The following FADS6 variants were observed in gnomAD, a reference collection of about 807,000 sequenced individuals.
FADS6 encodes fatty acid desaturase domain family, member 6.
In FADS6, 28 loss-of-function variants were observed where a neutral mutation model predicts 31.7. The observed-to-expected ratio is 0.88, with a 90% CI of 0.66 to 1.21. FADS6 has a LOEUF of 1.21. FADS6 is among the 50% of genes most tolerant of loss of function. FADS6 has a pLI of 0.00. For synonymous variants in FADS6, 191 were observed against 213.1 expected, an observed-to-expected ratio of 0.90 and a Z score of 0.90; for missense variants, 494 against 504.2, an observed-to-expected ratio of 0.98 and a Z score of 0.19.
rs1210038030 is a variant in FADS6, at chr17:74,893,341, G to A, written c.244+11C>T. On this transcript the variant is annotated intron_variant, in intron 1 of 5. Transcript: ENST00000612771. ...AGCCCGGCCGGGACGCCGGGTCCCC[G>A]CGTTCCTCACCTGCCGGCAAGGCGA... The A allele has an allele frequency of 8.6e-6, 13 of 1,510,462 alleles. 1 individual carries two copies. The South Asian group carries it at 1.2e-4, about 14-fold the overall frequency. 93.6% of individuals were successfully genotyped at this position (1,510,462 alleles called of 1,614,324 possible).
intron 2 of FADS6, among the ~76,000 whole-genome samples, chr17:74,888,158 G>GCT (rs1388141999): frequency 2.8e-5 from 2 of 70,586 alleles, no homozygotes; most frequent in Admixed American, 2.5e-4. Flanking sequence ...ACACACACGC[G>GCT]CGCGCGCGCG....
Position 74,893,358 on chromosome 17 carries a change from G to A in FADS6, c.238C>T (p.Pro80Ser). Residue 80 changes from proline (P) to serine (S), a missense_variant, in exon 1 of 6, where the codon CCG becomes TCG. Coordinates refer to ENST00000612771, the MANE Select transcript of FADS6 (RefSeq NM_178128.6). ...GGGTCCCCGCGTTCCTCACCTGCCG[G>A]CAAGGCGAAGAGGCTGAGCGCGAGG... ...AILALSLFAL[P>S]AGFLCLRWEN... 17 of 1,518,644 alleles carry A rather than the reference G, an allele frequency of 1.1e-5. No homozygotes were observed. The highest frequency in any genetic ancestry group is 2.1e-4 in the Middle Eastern group (1 of 4,770). 94.1% of individuals were successfully genotyped at this position (1,518,644 alleles called of 1,614,324 possible). A position where few individuals can be genotyped will look rare whatever the true frequency, so the allele number is the denominator to read the frequency against.
At chr17:74,884,058 A>C (rs2038599915) in intron 2 of FADS6, among the ~76,000 whole-genome samples, 1 of 152,114 alleles carries the variant, frequency 6.6e-6, no homozygotes, top group South Asian at 2.1e-4. Context: ...TGGGGTTCCC[A>C]GGGCCTTGTC....
chr17:74,888,660 C>A (rs2038657068), intron 2 of FADS6, among the ~76,000 whole-genome samples: 1 of 152,172 alleles, frequency 6.6e-6, no homozygotes, highest in South Asian at 2.1e-4. Context: ...TCCAAGCCTG[C>A]AGCACAAAGC....
Position 74,882,230 on chromosome 17 carries a change from G to A in FADS6, c.592+300C>T, listed in dbSNP as rs189697293. 4.2e-3 allele frequency among the ~76,000 whole-genome samples: 638 copies of A among 152,210 alleles called. 3 individuals carry two copies. Among genetic ancestry groups the A allele is most frequent in the Middle Eastern group, 6.8e-3 (2 of 294 alleles). ...GGATTACAGGTGTCAGCCACCACAC[G>A]CAGACCCTGCAAAACATTTTTATAC... On this transcript the variant is annotated intron_variant, in intron 3 of 5. Coordinates refer to ENST00000612771, the MANE Select transcript of FADS6 (RefSeq NM_178128.6).
rs764130670 is a variant in FADS6, at chr17:74,888,061, C to T, written c.411+4462G>A. On this transcript the variant is annotated intron_variant, in intron 2 of 5. Transcript: ENST00000612771. ...ACTCTGAGTCCCTGGGGAAGTGGAA[C>T]GGGGTCTTATTCACAGTTATGTCCC... Among the ~76,000 whole-genome samples the T allele has an allele frequency of 1.6e-4, 24 of 151,286 alleles. 1 individual carries two copies. The highest frequency in any genetic ancestry group is 3.9e-4 in the East Asian group (2 of 5,144).
chr17:74,878,196 G>C lies in FADS6; in HGVS notation c.*135C>G, dbSNP rs956617492. 8.3e-6 allele frequency: 12 copies of C among 1,438,878 alleles called. No homozygotes were observed. The highest frequency in any genetic ancestry group is 2.5e-4 in the Middle Eastern group (1 of 4,036). 89.1% of individuals were successfully genotyped at this position (1,438,878 alleles called of 1,614,324 possible). Reference sequence around the variant, plus strand: ...CCAGACCCCAGGCCTGAGCTCCCCTGCCCCCCTGCCTGGCCGGTGCCTCCA... The same window carrying C: ...CCAGACCCCAGGCCTGAGCTCCCCTCCCCCCCTGCCTGGCCGGTGCCTCCA... On this transcript the variant is annotated 3_prime_UTR_variant, in exon 6 of 6. Transcript: ENST00000612771.
Position 74,878,269 on chromosome 17 carries a change from A to T in FADS6, c.*62T>A. On this transcript the variant is annotated 3_prime_UTR_variant, in exon 6 of 6. Coordinates refer to ENST00000612771, the MANE Select transcript of FADS6 (RefSeq NM_178128.6). Reference sequence around the variant, plus strand: ...ACTGAGCCACACCCCCTGGACCAGCAGCAGCAGGAGGGCCAGGGCCAGGCC... The same window carrying T: ...ACTGAGCCACACCCCCTGGACCAGCTGCAGCAGGAGGGCCAGGGCCAGGCC... The T allele has an allele frequency of 6.5e-7, 1 of 1,539,678 alleles. No homozygotes were observed.
rs772991279 is a variant in FADS6, at chr17:74,881,240, A to C, written c.608T>G (p.Val203Gly). Residue 203 changes from valine (V) to glycine (G), a missense_variant, in exon 4 of 6, where the codon GTG (valine) becomes GGG (glycine). By Grantham distance (109) the Val-to-Gly change is moderately radical (BLOSUM62 -3). Around this residue, in one of 2 missense-constraint regions of FADS6, gnomAD observed 454 missense variants for 438.5 expected, o/e 1.04. Transcript: ENST00000612771. ...PLVAVERLRK[V>G]ELGTALRTLA... Reference sequence around the variant, plus strand: ...CGTCCGCAGGGCTGTCCCGAGCTCCACCTTCCTCAGCCGCTCTGCCATAGA... The same window carrying C: ...CGTCCGCAGGGCTGTCCCGAGCTCCCCCTTCCTCAGCCGCTCTGCCATAGA... 6.3e-7 allele frequency: 1 copy of C among 1,597,372 alleles called. No individual in the cohort carries two copies.
chr17:74,890,692 C>T (rs1396922417), intron 2 of FADS6, among the ~76,000 whole-genome samples: 1 of 152,098 alleles, frequency 6.6e-6, no homozygotes, highest in Non-Finnish European at 1.5e-5. Flanking sequence ...AGCCACTGGG[C>T]TTACGGGGAC....
chr17:74,880,218 C>T (rs947839076), intron 4 of FADS6, among the ~76,000 whole-genome samples: 20 of 152,066 alleles, frequency 1.3e-4, no homozygotes, highest in African/African-American at 4.1e-4. Flanking sequence ...CCTGGCCTCC[C>T]GTGAGGAATT....
Position 74,888,166 on chromosome 17 carries a change from G to A in FADS6, c.411+4357C>T, listed in dbSNP as rs912364956. On this transcript the variant is annotated intron_variant, in intron 2 of 5. Transcript: ENST00000612771. Reference sequence around the variant, plus strand: ...CACACACACACACACGCGCGCGCGCGCGCGCGCAGAGTACCAATGTCCGTT... The same window carrying A: ...CACACACACACACACGCGCGCGCGCACGCGCGCAGAGTACCAATGTCCGTT... 3.7e-3 allele frequency among the ~76,000 whole-genome samples: 548 copies of A among 149,576 alleles called. 4 individuals are homozygous for A. Among genetic ancestry groups the A allele is most frequent in the Non-Finnish European group, 5.7e-3 (386 of 67,618 alleles).
At chr17:74,888,144 A>ACGCG (rs756023723) in intron 2 of FADS6, among the ~76,000 whole-genome samples, 184 of 113,806 alleles carry the variant, frequency 1.6e-3, no homozygotes, top group African/African-American at 5.2e-3. Context: ...ACACACACAC[A>ACGCG]CACACACACA....
chr17:74,875,330 T>C (rs2038501290), downstream of FADS6, among the ~76,000 whole-genome samples: 2 of 152,242 alleles, frequency 1.3e-5, no homozygotes, highest in African/African-American at 4.8e-5. Context: ...ATTATTATCA[T>C]CATCCATATG....
At chr17:74,891,110 TG>T (rs1318575157) in intron 2 of FADS6, among the ~76,000 whole-genome samples, 1 of 131,940 alleles carries the variant, frequency 7.6e-6, no homozygotes, top group Non-Finnish European at 1.7e-5. Flanking sequence ...TTTTTCTTTT[TG>T]ATTTTTTTTT....
intron 1 of FADS6, 98 bp from the exon 2 acceptor site, chr17:74,892,787 G>A: frequency 7.8e-7 from 1 of 1,276,870 alleles, no homozygotes; most frequent in Non-Finnish European, 1.1e-6. Flanking sequence ...GGCTAAAGTG[G>A]GCTAGGCTCT....
At chr17:74,881,012 G>A in intron 4 of FADS6, 56 bp downstream of exon 4, 1 of 1,525,818 alleles carries the variant, frequency 6.6e-7, no homozygotes, top group Non-Finnish European at 8.9e-7. Flanking sequence ...TGTGATCAGG[G>A]CCCCTGGAGA....
At chr17:74,890,521 G>A (rs1034832948) in intron 2 of FADS6, among the ~76,000 whole-genome samples, 2 of 152,198 alleles carry the variant, frequency 1.3e-5, no homozygotes, top group Non-Finnish European at 2.9e-5. Flanking sequence ...ACGACATGAA[G>A]CGGGAGCCAA....
At chr17:74,890,452 G>A (rs1199008399) in intron 2 of FADS6, among the ~76,000 whole-genome samples, 1 of 152,138 alleles carries the variant, frequency 6.6e-6, no homozygotes, top group Non-Finnish European at 1.5e-5. Flanking sequence ...TCGGAGGCTT[G>A]AGTAATAAAC....
Sources: allele counts gnomAD v4.1 joint callset (sites outside exome capture counted in the v4.1 genomes callset), GRCh38; gene constraint gnomAD v4.1.1; regional missense constraint gnomAD v4.1.1; transcripts MANE v1.5; gene names NCBI Gene and HGNC (gene_info 2026-07-23, HGNC 2026-07-21).